Variants in ZC3H12C observed in about 807,000 individuals in gnomAD.
The protein encoded by ZC3H12C is zinc finger CCCH-type containing 12C.
ZC3H12C carries 20 observed loss-of-function variants against 76.3 expected under a neutral mutation model. The observed-to-expected ratio is 0.26, with a 90% CI of 0.18 to 0.38. ZC3H12C has a LOEUF of 0.38. ZC3H12C is among the 10% of genes least tolerant of loss of function. The pLI is 1.00. For synonymous variants in ZC3H12C, 352 were observed against 399.6 expected, an observed-to-expected ratio of 0.88 and a Z score of 1.42; for missense variants, 874 against 1,086.5, an observed-to-expected ratio of 0.80 and a Z score of 2.75.
chr11:110,145,133 T>C lies in ZC3H12C; in HGVS notation c.773+7719T>C, dbSNP rs548645223. ...ACCCACCTCTATTATCTATTAACCATTGTAGGTGGCTAATATAGTGCCATT... is the reference window on the plus strand; with the variant it reads ...ACCCACCTCTATTATCTATTAACCACTGTAGGTGGCTAATATAGTGCCATT... On this transcript the variant is annotated intron_variant, in intron 2 of 5. Transcript: ENST00000278590. Among the ~76,000 whole-genome samples the C allele has an allele frequency of 3.9e-5, 6 of 152,308 alleles. No individual in the cohort carries two copies. The South Asian group carries it at 1.2e-3, about 32-fold the overall frequency.
intron 4 of ZC3H12C, among the ~76,000 whole-genome samples, 182 bp downstream of exon 4, chr11:110,159,672 C>T (rs1012840432): frequency 1.8e-4 from 28 of 152,206 alleles, no homozygotes; most frequent in Admixed American, 6.5e-4. Flanking sequence ...CAGAGGAGGC[C>T]CGGTGTGAGT....
At chr11:110,103,697 T>C (rs11213264) in intron 1 of ZC3H12C, among the ~76,000 whole-genome samples, 32,736 of 150,858 alleles carry the variant, frequency 0.22, 3,727 homozygotes, top group Middle Eastern at 0.34. Context: ...GCTCCGCCTC[T>C]CGGGTTCATG....
chr11:110,158,017 A>T (rs577084032), intron 3 of ZC3H12C, among the ~76,000 whole-genome samples: 161 of 152,038 alleles, frequency 1.1e-3, no homozygotes, highest in African/African-American at 2.5e-3. Context: ...GCTTTTTTTT[A>T]AAAAAAATCA....
At chr11:110,114,757 T>A (rs575070346) in intron 1 of ZC3H12C, among the ~76,000 whole-genome samples, 35 of 152,352 alleles carry the variant, frequency 2.3e-4, no homozygotes, top group African/African-American at 7.5e-4. Flanking sequence ...AAGTTATATG[T>A]CTAAATTATA....
At chr11:110,109,379 T>C (rs767020995) in intron 1 of ZC3H12C, among the ~76,000 whole-genome samples, 2 of 152,214 alleles carry the variant, frequency 1.3e-5, no homozygotes, top group Non-Finnish European at 2.9e-5. Flanking sequence ...GTTCTTAATT[T>C]ATTGGCATAA....
intron 3 of ZC3H12C, among the ~76,000 whole-genome samples, chr11:110,157,210 T>TA (rs1289920878): frequency 2.6e-5 from 4 of 151,798 alleles, no homozygotes; most frequent in African/African-American, 9.7e-5. Flanking sequence ...GATCAGCAGT[T>TA]ACATCTATTG....
In ZC3H12C at chr11:110,165,548, G is replaced by T; in HGVS notation, c.2463G>T (p.Arg821=). The part of the protein sequence containing the change: ...SLPEQQEPAW[R]IPYCGMPQDP... ...CTGAGCAACAGGAGCCAGCCTGGCG[G>T]ATCCCATACTGTGGAATGCCGCAAG... The change falls in exon 6 of 6, where the codon CGG becomes CGT. Residue 821 remains arginine, a synonymous_variant. Transcript: ENST00000278590. 1.2e-6 allele frequency: 2 copies of T among 1,613,650 alleles called. No homozygotes were observed. Among genetic ancestry groups the T allele is most frequent in the Non-Finnish European group, 1.7e-6 (2 of 1,179,722 alleles).
chr11:110,164,897 A>G lies in ZC3H12C; in HGVS notation c.1812A>G (p.Pro604=), dbSNP rs977960909. The G allele has an allele frequency of 1.2e-6, 2 of 1,614,028 alleles. No individual in the cohort carries two copies. Among genetic ancestry groups the G allele is most frequent in the Non-Finnish European group, 1.7e-6 (2 of 1,179,892 alleles). Residue 604 remains proline, a synonymous_variant, in exon 6 of 6, where the codon CCA becomes CCG. Transcript: ENST00000278590. This position sits in a 1 kb window ranked among gnomAD's most constrained non-coding sequence, Gnocchi z 5.7. ...NAYSNLSLSG[P]RSPERRFSLD... ...ACTCAAATCTGAGTCTCTCAGGCCC[A>G]CGAAGCCCTGAAAGGCGTTTCTCCT...
intron 2 of ZC3H12C, among the ~76,000 whole-genome samples, chr11:110,138,790 C>T (rs1017870351): frequency 6.6e-6 from 1 of 152,108 alleles, no homozygotes. Context: ...AACTCTTGAC[C>T]TCAAGTGATC....
rs1861573145 is a variant in ZC3H12C at position 110,117,906 on chromosome 11, C to CATATATATTATATATATACACACACACAT, written c.22-18740_22-18712dup. On this transcript the variant is annotated intron_variant, in intron 1 of 5. Transcript: ENST00000278590. ...TATATATTATATATATACACACACA[C>CATATATATTATATATATACACACACACAT]ATATATATTATATATATACACACAC... 2.8e-5 allele frequency among the ~76,000 whole-genome samples: 3 copies of CATATATATTATATATATACACACACACAT among 107,442 alleles called. 1 individual carries two copies. 70.5% of individuals were successfully genotyped at this position (107,442 alleles called of 152,430 possible). A position where few individuals can be genotyped will look rare whatever the true frequency, so the allele number is the denominator to read the frequency against.
intron 1 of ZC3H12C, among the ~76,000 whole-genome samples, chr11:110,106,979 C>T (rs1193747641): frequency 6.6e-6 from 1 of 152,126 alleles, no homozygotes; most frequent in Non-Finnish European, 1.5e-5. Flanking sequence ...CTTTTCTTTT[C>T]CAATTTTAAT....
rs148374862 is a variant in ZC3H12C, at chr11:110,116,450, G to A, written c.22-20213G>A. On this transcript the variant is annotated intron_variant, in intron 1 of 5. Coordinates refer to ENST00000278590, the MANE Select transcript of ZC3H12C (RefSeq NM_033390.2). ...ATCATGCACAAAGGAATAGAGTCGG[G>A]CATTTTAACTCTAGGGCATTTTAAC... is the stretch of plus-strand genomic sequence containing the variant. Among the ~76,000 whole-genome samples the A allele has an allele frequency of 1.5e-3, 234 of 152,194 alleles. 1 individual carries two copies. The highest frequency in any genetic ancestry group is 5.6e-3 in the African/African-American group (231 of 41,532).
intron 1 of ZC3H12C, among the ~76,000 whole-genome samples, chr11:110,110,970 T>C (rs1861417524): frequency 6.6e-6 from 1 of 152,090 alleles, no homozygotes; most frequent in Admixed American, 6.5e-5. Flanking sequence ...GTGGATTTGG[T>C]TGAGGTGGGA....
rs760190384 is a variant in ZC3H12C, at chr11:110,166,687, T to G, written c.*950T>G. The G allele has an allele frequency of 1.1e-4, 17 of 152,208 alleles. No homozygotes were observed. Among genetic ancestry groups the G allele is most frequent in the Non-Finnish European group, 1.6e-4 (11 of 68,032 alleles). 9.4% of individuals were successfully genotyped at this position (152,208 alleles called of 1,614,324 possible). The stretch of plus-strand genomic sequence containing the variant: ...TAACCCTTTCACAGCACTTGCCTGT[T>G]TTTAATGAATCTAATTATTCACAAT... On this transcript the variant is annotated 3_prime_UTR_variant, in exon 6 of 6. Transcript: ENST00000278590.
At chr11:110,130,877 A>G (rs1861851943) in intron 1 of ZC3H12C, 2 of 643,820 alleles carry the variant, frequency 3.1e-6, no homozygotes, top group South Asian at 2.0e-5. Flanking sequence ...AACCTGACGC[A>G]GGGTGCTGAG....
chr11:110,159,497 A>G lies in ZC3H12C; in HGVS notation c.1148+7A>G. On this transcript the variant is annotated splice_region_variant and intron_variant, in intron 4 of 5. Transcript: ENST00000278590. Reference sequence around the variant, plus strand: ...ATTCATTTGTCAATGACAAGTAAGTAAAACCATTTACTTGCCAATGATACT... The same window carrying G: ...ATTCATTTGTCAATGACAAGTAAGTGAAACCATTTACTTGCCAATGATACT... 2 of 1,578,494 alleles carry G rather than the reference A, an allele frequency of 1.3e-6. No homozygotes were observed. The highest frequency in any genetic ancestry group is 1.1e-5 in the South Asian group (1 of 87,620).
At chr11:110,142,799 C>T (rs2134182347) in intron 2 of ZC3H12C, among the ~76,000 whole-genome samples, 1 of 152,216 alleles carries the variant, frequency 6.6e-6, no homozygotes, top group African/African-American at 2.4e-5. Context: ...TAAAATCAAG[C>T]AATAGCAGAG....
At chr11:110,154,492 T>G (rs1415727093) in intron 3 of ZC3H12C, among the ~76,000 whole-genome samples, 1 of 152,114 alleles carries the variant, frequency 6.6e-6, no homozygotes. Flanking sequence ...TATGTATAAA[T>G]GTAAAGCAGA....
At chr11:110,129,441 A>T (rs995451569) in intron 1 of ZC3H12C, among the ~76,000 whole-genome samples, 8 of 152,202 alleles carry the variant, frequency 5.3e-5, no homozygotes, top group African/African-American at 1.9e-4. Context: ...TTGAGTAGGC[A>T]CAATAAGGAC....
Sources: gnomAD v4.1 joint callset for allele counts (sites outside exome capture counted in the v4.1 genomes callset) on GRCh38, gnomAD v4.1.1 for gene constraint, Gnocchi (gnomAD v3.1) non-coding constraint, MANE v1.5 for transcripts, NCBI Gene and HGNC (gene_info 2026-07-23, HGNC 2026-07-21) for gene names.